Variants in MTA3 observed in about 807,000 individuals in gnomAD.
MTA3 encodes metastasis associated 1 family member 3, also known as metastasis-associated protein MTA3.
MTA3 carries 34 observed loss-of-function variants against 83.5 expected under a neutral mutation model. The observed-to-expected ratio is 0.41, with a 90% CI of 0.31 to 0.54. MTA3 has a LOEUF of 0.54. Ranked by LOEUF, MTA3 falls within the 20% of genes least tolerant of loss-of-function variation. MTA3 has a pLI of 0.33. For missense variants in MTA3, 761 were observed against 726.4 expected, an observed-to-expected ratio of 1.05 and a Z score of -0.55; for synonymous variants, 303 against 252.7, an observed-to-expected ratio of 1.20 and a Z score of -1.89.
chr2:42,499,775 GA>G (rs1055009065), intron 2 of MTA3, among the ~76,000 whole-genome samples: 10 of 133,946 alleles, frequency 7.5e-5, no homozygotes, highest in East Asian at 6.9e-4. Flanking sequence ...GCAACAGAGG[GA>G]AAAAAAAAAA....
chr2:42,617,302 C>T (rs1034781054), intron 4 of MTA3, among the ~76,000 whole-genome samples: 1 of 152,094 alleles, frequency 6.6e-6, no homozygotes, highest in Non-Finnish European at 1.5e-5. Flanking sequence ...CTTGATCTTA[C>T]AGAACTTCTC....
chr2:42,686,730 G>C (rs375868376), intron 9 of MTA3, among the ~76,000 whole-genome samples: 1 of 152,264 alleles, frequency 6.6e-6, no homozygotes, highest in East Asian at 1.9e-4. Flanking sequence ...GATAGACTGA[G>C]GCAGGAGAAT....
At chr2:42,695,943 T>A in intron 10 of MTA3, 104 bp downstream of exon 10, 1 of 691,112 alleles carries the variant, frequency 1.4e-6, no homozygotes, top group Non-Finnish European at 2.4e-6. Flanking sequence ...TTGTTTACCT[T>A]ACTTTTTCCA....
intron 2 of MTA3, among the ~76,000 whole-genome samples, chr2:42,552,123 G>T (rs1175367705): frequency 6.6e-6 from 1 of 152,124 alleles, no homozygotes. Context: ...CTCCCAAAGT[G>T]GGAGATGTAT....
At position 42,579,195 on chromosome 2, in the gene MTA3, A is replaced by G; in HGVS notation, c.185A>G (p.His62Arg). ...SNTLIMLADK[H>R]AKEIEEESET... ...ACACTTATAATGCTCGCAGATAAGCATGCTAGTAAGTTGTTTTTCTCTGAT... is the reference window on the plus strand; with the variant it reads ...ACACTTATAATGCTCGCAGATAAGCGTGCTAGTAAGTTGTTTTTCTCTGAT... The change falls in exon 3 of 17, where the codon CAT (histidine) becomes CGT (arginine). Residue 62 changes from histidine (H) to arginine (R), a missense_variant. Physicochemically the swap from His to Arg is conservative, Grantham distance 29. Transcript: ENST00000405094. 2.5e-6 allele frequency: 4 copies of G among 1,591,318 alleles called. No individual in the cohort carries two copies. The highest frequency in any genetic ancestry group is 1.3e-5 in the African/African-American group (1 of 74,324).
intron 3 of MTA3, among the ~76,000 whole-genome samples, chr2:42,598,669 A>G (rs1682151452): frequency 6.6e-6 from 1 of 152,156 alleles, no homozygotes; most frequent in Non-Finnish European, 1.5e-5. Context: ...ATAATTTGGC[A>G]TTATGGGGCA....
chr2:42,755,395 G>C lies in MTA3; in HGVS notation c.*1996G>C, dbSNP rs973262372. ...AGGCCCAAGAGATTTGGAGACAGGAGTCAGGCCAGGTCTGAAGCAGGAGAA... is the reference window on the plus strand; with the variant it reads ...AGGCCCAAGAGATTTGGAGACAGGACTCAGGCCAGGTCTGAAGCAGGAGAA... On this transcript the variant is annotated 3_prime_UTR_variant, in exon 17 of 17. Transcript: ENST00000405094. The C allele has an allele frequency of 1.0e-6, 1 of 985,474 alleles. No individual in the cohort carries two copies. Among genetic ancestry groups the C allele is most frequent in the South Asian group, 4.7e-5 (1 of 21,288 alleles). The allele number at this position is 985,474 out of a possible 1,614,324, so 61.0% of individuals were successfully genotyped here. A position where few individuals can be genotyped will look rare whatever the true frequency, so the allele number is the denominator to read the frequency against.
chr2:42,614,313 T>A (rs949822117), intron 4 of MTA3: 1 of 152,164 alleles, frequency 6.6e-6, no homozygotes, highest in Admixed American at 6.5e-5. Flanking sequence ...GTCAGGCTAG[T>A]CTGAAACTCC....
At chr2:42,577,545 GTC>G in intron 2 of MTA3, among the ~76,000 whole-genome samples, 1 of 151,212 alleles carries the variant, frequency 6.6e-6, no homozygotes, top group Non-Finnish European at 1.5e-5. Context: ...CAGTGGTGTG[GTC>G]TTGGCTCACT....
chr2:42,550,051 A>G (rs1377289300), intron 2 of MTA3, among the ~76,000 whole-genome samples: 3 of 152,102 alleles, frequency 2.0e-5, no homozygotes, highest in African/African-American at 7.2e-5. Flanking sequence ...GGCAATTCAG[A>G]TATGCCAAAG....
At position 42,738,916 on chromosome 2, in the gene MTA3, C is replaced by T. The variant is rs183515376; in HGVS notation, c.1760-14458C>T. The stretch of plus-strand genomic sequence containing the variant: ...CCTGCTTAATAAATTTTGGTCAGAC[C>T]GGTTGATCTCAAAACCCTGTCTCCT... On this transcript the variant is annotated intron_variant, in intron 16 of 16. Coordinates refer to ENST00000405094, the MANE Select transcript of MTA3 (RefSeq NM_001330442.2). Among the ~76,000 whole-genome samples the T allele has an allele frequency of 3.6e-3, 551 of 152,148 alleles. 16 individuals carry two copies. The highest frequency in any genetic ancestry group is 6.6e-4 in the Non-Finnish European group (45 of 68,018).
At chr2:42,721,856 T>C (rs1480157484) in intron 15 of MTA3, among the ~76,000 whole-genome samples, 1 of 152,040 alleles carries the variant, frequency 6.6e-6, no homozygotes, top group Non-Finnish European at 1.5e-5. Context: ...GGAGGTTAAA[T>C]GAAATGCAAG....
chr2:42,684,698 A>G (rs1307763326), intron 9 of MTA3, among the ~76,000 whole-genome samples: 1 of 152,228 alleles, frequency 6.6e-6, no homozygotes, highest in East Asian at 1.9e-4. Context: ...CTGATAAAGG[A>G]GTAGGAGTTG....
intron 3 of MTA3, chr2:42,581,755 A>G (rs1254537437): frequency 6.9e-6 from 2 of 290,522 alleles, no homozygotes; most frequent in Non-Finnish European, 1.3e-5. Context: ...AGATTTTAAA[A>G]AGTATTTTAT....
At chr2:42,575,606 C>T (rs1262849804) in intron 2 of MTA3, among the ~76,000 whole-genome samples, 1 of 152,010 alleles carries the variant, frequency 6.6e-6, no homozygotes, top group African/African-American at 2.4e-5. Context: ...CCATATAGTC[C>T]CACAAGTGAA....
At chr2:42,638,614 A>G (rs1407141996) in intron 4 of MTA3, among the ~76,000 whole-genome samples, 1 of 151,492 alleles carries the variant, frequency 6.6e-6, no homozygotes, top group Non-Finnish European at 1.5e-5. Flanking sequence ...CGATTCTTCT[A>G]CCTCGGCCTC....
intron 14 of MTA3, among the ~76,000 whole-genome samples, chr2:42,712,159 A>C (rs556751236): frequency 6.6e-6 from 1 of 152,318 alleles, no homozygotes; most frequent in Non-Finnish European, 1.5e-5. Flanking sequence ...TATTAAAGCA[A>C]ATAGTAAAAA....
At chr2:42,532,246 C>T (rs969357917) in intron 2 of MTA3, among the ~76,000 whole-genome samples, 2 of 152,244 alleles carry the variant, frequency 1.3e-5, no homozygotes, top group African/African-American at 4.8e-5. Flanking sequence ...TGCAGTGGCT[C>T]ATACCTGTAA....
intron 12 of MTA3, among the ~76,000 whole-genome samples, chr2:42,707,242 AT>A (rs879787579): frequency 1.7e-3 from 247 of 143,012 alleles, no homozygotes; most frequent in Middle Eastern, 7.6e-3. Context: ...GTGGATTTAG[AT>A]TTTTTTTTTT....
Sources: allele counts gnomAD v4.1 joint callset (sites outside exome capture counted in the v4.1 genomes callset), GRCh38; gene constraint gnomAD v4.1.1; transcripts MANE v1.5; gene names NCBI Gene and HGNC (gene_info 2026-07-23, HGNC 2026-07-21).